Variants in HEMK2 observed in about 807,000 individuals in gnomAD.
The protein encoded by HEMK2 is methyltransferase HEMK2.
At chr21:28,683,163 AAC>A in the HEMK2 span, among the ~76,000 whole-genome samples, 96 of 151,778 alleles carry the variant, frequency 6.3e-4, no homozygotes, top group Middle Eastern at 6.9e-3. Flanking sequence ...TTATTTCAGA[AAC>A]ACACAAACAC....
chr21:28,877,214 AAAGGAAGGG>A, the HEMK2 span, among the ~76,000 whole-genome samples: 22 of 137,712 alleles, frequency 1.6e-4, no homozygotes, highest in African/African-American at 2.7e-4. Flanking sequence ...GAAGGGAGAG[AAAGGAAGGG>A]AAGGAAGGAA....
the HEMK2 span, among the ~76,000 whole-genome samples, chr21:28,643,949 G>A: frequency 6.6e-6 from 1 of 152,200 alleles, no homozygotes; most frequent in Non-Finnish European, 1.5e-5. Context: ...GCCAGTGATA[G>A]GAGCATGAAG....
At chr21:28,669,739 C>T in the HEMK2 span, among the ~76,000 whole-genome samples, 1 of 152,172 alleles carries the variant, frequency 6.6e-6, no homozygotes, top group Non-Finnish European at 1.5e-5. Flanking sequence ...CAATCCATCT[C>T]CATATGAAAT....
the HEMK2 span, among the ~76,000 whole-genome samples, chr21:28,660,279 T>C: frequency 6.6e-6 from 1 of 151,754 alleles, no homozygotes; most frequent in Admixed American, 6.6e-5. Context: ...AGTTTTTACT[T>C]CTTTTTATTG....
At chr21:28,840,007 A>G in the HEMK2 span, among the ~76,000 whole-genome samples, 1 of 152,236 alleles carries the variant, frequency 6.6e-6, no homozygotes, top group African/African-American at 2.4e-5. Flanking sequence ...TGGTACTGGC[A>G]CAAAAATAGG....
At chr21:28,814,013 G>A in the HEMK2 span, among the ~76,000 whole-genome samples, 11 of 152,200 alleles carry the variant, frequency 7.2e-5, no homozygotes, top group East Asian at 1.9e-4. Context: ...TGAGGTGAGC[G>A]GATCACGAGG....
chr21:28,670,013 C>A, the HEMK2 span, among the ~76,000 whole-genome samples: 1 of 151,958 alleles, frequency 6.6e-6, no homozygotes. Flanking sequence ...TTGAATATAC[C>A]TGAAGAACGA....
the HEMK2 span, among the ~76,000 whole-genome samples, chr21:28,664,333 G>T: frequency 6.6e-6 from 1 of 152,084 alleles, no homozygotes; most frequent in Non-Finnish European, 1.5e-5. Context: ...ATATGTACAT[G>T]CATTGTATAA....
the HEMK2 span, among the ~76,000 whole-genome samples, chr21:28,718,870 A>C: frequency 5.3e-5 from 8 of 152,236 alleles, no homozygotes; most frequent in Non-Finnish European, 1.2e-4. Context: ...ACAAAAGAGT[A>C]GATGAAAGTA....
chr21:28,842,268 CTTA>C, the HEMK2 span, among the ~76,000 whole-genome samples: 3 of 152,040 alleles, frequency 2.0e-5, no homozygotes, highest in Non-Finnish European at 4.4e-5. Context: ...AAAATTATAT[CTTA>C]TTATATCACA....
At chr21:28,864,868 T>TA in the HEMK2 span, among the ~76,000 whole-genome samples, 23 of 111,142 alleles carry the variant, frequency 2.1e-4, no homozygotes, top group Non-Finnish European at 3.3e-4. Context: ...GATAGATAGA[T>TA]GGATGATAGG....
At chr21:28,739,609 G>A in the HEMK2 span, among the ~76,000 whole-genome samples, 1 of 152,218 alleles carries the variant, frequency 6.6e-6, no homozygotes, top group Non-Finnish European at 1.5e-5. Flanking sequence ...TCACCCTCCA[G>A]AGCAGGGTGC....
the HEMK2 span, among the ~76,000 whole-genome samples, chr21:28,585,262 G>A: frequency 6.6e-6 from 1 of 152,138 alleles, no homozygotes; most frequent in East Asian, 1.9e-4. Context: ...AACCTGGGAG[G>A]TGGAGGTTGC....
the HEMK2 span, among the ~76,000 whole-genome samples, chr21:28,659,813 T>C: frequency 6.6e-6 from 1 of 152,058 alleles, no homozygotes; most frequent in Non-Finnish European, 1.5e-5. Context: ...TCTCTTGCCT[T>C]TCACACAAAT....
chr21:28,579,223 T>C, the HEMK2 span, among the ~76,000 whole-genome samples: 1 of 152,204 alleles, frequency 6.6e-6, no homozygotes, highest in Non-Finnish European at 1.5e-5. Flanking sequence ...ACATATGTCA[T>C]TACATTATAT....
the HEMK2 span, among the ~76,000 whole-genome samples, chr21:28,710,750 T>C: frequency 6.6e-6 from 1 of 152,324 alleles, no homozygotes; most frequent in South Asian, 2.1e-4. Flanking sequence ...TTTTCTTCAA[T>C]AGGAAAGAAT....
At chr21:28,730,216 A>AC in the HEMK2 span, among the ~76,000 whole-genome samples, 26 of 43,514 alleles carry the variant, frequency 6.0e-4, no homozygotes, top group African/African-American at 9.7e-3. Flanking sequence ...CCATTGCCAC[A>AC]AAAAAAAAGT....
chr21:28,596,106 G>A, the HEMK2 span, among the ~76,000 whole-genome samples: 25 of 151,796 alleles, frequency 1.6e-4, no homozygotes, highest in Admixed American at 4.6e-4. Context: ...GCAGTGGTGC[G>A]ATCTCAGCTC....
the HEMK2 span, among the ~76,000 whole-genome samples, chr21:28,630,265 A>C: frequency 6.6e-6 from 1 of 152,192 alleles, no homozygotes; most frequent in South Asian, 2.1e-4. Context: ...CGATCATTAA[A>C]AAATCAGGAA....
Sources: gnomAD v4.1 joint callset for allele counts (sites outside exome capture counted in the v4.1 genomes callset) on GRCh38, gnomAD v4.1.1 for gene constraint, MANE v1.5 for transcripts, NCBI Gene and HGNC (gene_info 2026-07-23, HGNC 2026-07-21) for gene names.